RAB21: variants seen among roughly 807,000 people sequenced by gnomAD.
The protein encoded by RAB21 is RAB21, member RAS oncogene family.
In RAB21, 13 loss-of-function variants were observed where a neutral mutation model predicts 33.1. That is an observed-to-expected ratio of 0.39 (90% confidence interval 0.26 to 0.62). The LOEUF is 0.62. RAB21 is among the 20% of genes least tolerant of loss of function. The probability of loss-of-function intolerance (pLI) is 0.48; values close to 1 mark genes in which losing one functional copy is unlikely to be tolerated. For synonymous variants in RAB21, 91 were observed against 103.7 expected (o/e 0.88, Z 0.74); for missense variants, 234 against 279.1 (o/e 0.84, Z 1.15).
chr12:71,782,738 G>C, intron 6 of RAB21, 80 bp downstream of exon 6: 1 of 889,692 alleles, frequency 1.1e-6, no homozygotes, highest in Non-Finnish European at 1.7e-6. Context: ...TTTTACACCA[G>C]TGTTACTTTT....
rs1355936616 is a variant in RAB21, at chr12:71,800,097, T to A, written c.*14424T>A. The A allele has an allele frequency of 4.6e-5, 7 of 151,334 alleles. No individual in the cohort carries two copies. Among genetic ancestry groups the A allele is most frequent in the African/African-American group, 7.3e-5 (3 of 41,166 alleles). 9.4% of individuals were successfully genotyped at this position (151,334 alleles called of 1,614,324 possible). A position where few individuals can be genotyped will look rare whatever the true frequency, so the allele number is the denominator to read the frequency against. On this transcript the variant is annotated 3_prime_UTR_variant, in exon 7 of 7. Coordinates refer to ENST00000261263, the MANE Select transcript of RAB21 (RefSeq NM_014999.4). ...CAAAAAAAAAAAAAAAAAAATTAATTGCACATGAAGTATACAAGTTCGATC... is the reference window on the plus strand; with the variant it reads ...CAAAAAAAAAAAAAAAAAAATTAATAGCACATGAAGTATACAAGTTCGATC...
intron 1 of RAB21, among the ~76,000 whole-genome samples, chr12:71,762,209 T>C (rs1882882360): frequency 6.6e-6 from 1 of 152,232 alleles, no homozygotes; most frequent in Admixed American, 6.5e-5. Context: ...AAGTCTTTAT[T>C]TGGACTCCTA....
chr12:71,780,613 A>G (rs1004997610), intron 4 of RAB21, among the ~76,000 whole-genome samples: 6 of 152,194 alleles, frequency 3.9e-5, no homozygotes, highest in African/African-American at 1.4e-4. Context: ...ACTGAGCTTT[A>G]GTGTTGTCTG....
In RAB21 at chr12:71,778,178, C is replaced by G. The variant is rs17110265; in HGVS notation, c.392-3853C>G. 6.5e-3 allele frequency among the ~76,000 whole-genome samples: 995 copies of G among 152,250 alleles called. 15 individuals carry two copies. Among genetic ancestry groups the G allele is most frequent in the African/African-American group, 0.023 (960 of 41,538 alleles). On this transcript the variant is annotated intron_variant, in intron 4 of 6. Transcript: ENST00000261263. The stretch of plus-strand genomic sequence containing the variant: ...TATCTAAGTCCCTGATATCCATGTG[C>G]TAACCAGTAATAGAGAACCACATGT...
intron 1 of RAB21, among the ~76,000 whole-genome samples, chr12:71,758,995 A>G (rs956348764): frequency 6.6e-6 from 1 of 152,182 alleles, no homozygotes; most frequent in African/African-American, 2.4e-5. Flanking sequence ...CTCTTTGATA[A>G]ATATTGAATT....
In RAB21 at chr12:71,794,427, A is replaced by ATATATATATTTT. The variant is rs1883435502; in HGVS notation, c.*8755_*8756insATATATATTTTT. 1.1e-4 allele frequency: 3 copies of ATATATATATTTT among 27,968 alleles called. No homozygotes were observed. Among genetic ancestry groups the ATATATATATTTT allele is most frequent in the African/African-American group, 2.5e-4 (2 of 7,900 alleles). The allele number at this position is 27,968 out of a possible 1,614,324, so 1.7% of individuals were successfully genotyped here. On this transcript the variant is annotated 3_prime_UTR_variant, in exon 7 of 7. Coordinates refer to ENST00000261263, the MANE Select transcript of RAB21 (RefSeq NM_014999.4). Reference sequence around the variant, plus strand: ...ATATTATATATATATATATATATATATTTTTTTTTTTTTTTTTTTTTTTTT... The same window carrying ATATATATATTTT: ...ATATTATATATATATATATATATATATATATATATTTTTTTTTTTTTTTTTTTTTTTTTTTTT...
At chr12:71,768,612 C>G (rs1349767467) in intron 1 of RAB21, among the ~76,000 whole-genome samples, 1 of 152,042 alleles carries the variant, frequency 6.6e-6, no homozygotes, top group Non-Finnish European at 1.5e-5. Flanking sequence ...CTTTTCTAGT[C>G]CAACCTCCCT....
In RAB21 at chr12:71,793,880, T is replaced by C. The variant is rs1254939640; in HGVS notation, c.*8207T>C. ...GGTATGTTGCCTTGAGGCTGACATT[T>C]GCTGCTCTGCTAAGACTAAAGCTGG... On this transcript the variant is annotated 3_prime_UTR_variant, in exon 7 of 7. Coordinates refer to ENST00000261263, the MANE Select transcript of RAB21 (RefSeq NM_014999.4). 6.6e-6 allele frequency: 1 copy of C among 152,218 alleles called. No homozygotes were observed. The highest frequency in any genetic ancestry group is 1.5e-5 in the Non-Finnish European group (1 of 68,060). 9.4% of individuals were successfully genotyped at this position (152,218 alleles called of 1,614,324 possible). A position where few individuals can be genotyped will look rare whatever the true frequency, so the allele number is the denominator to read the frequency against.
chr12:71,797,058 G>A lies in RAB21; in HGVS notation c.*11385G>A, dbSNP rs1309001476. The A allele has an allele frequency of 6.6e-6, 1 of 152,064 alleles. No homozygotes were observed. Among genetic ancestry groups the A allele is most frequent in the Admixed American group, 6.5e-5 (1 of 15,274 alleles). 9.4% of individuals were successfully genotyped at this position (152,064 alleles called of 1,614,324 possible). ...CTTCGTGTTTCCATTTTCATAATGG[G>A]GGTTAGTCATAAACCATTCTATGTG... is the stretch of plus-strand genomic sequence containing the variant. On this transcript the variant is annotated 3_prime_UTR_variant, in exon 7 of 7. Transcript: ENST00000261263.
At chr12:71,756,971 A>G (rs1425284915) in intron 1 of RAB21, among the ~76,000 whole-genome samples, 2 of 152,204 alleles carry the variant, frequency 1.3e-5, no homozygotes, top group Non-Finnish European at 2.9e-5. Context: ...AGGAGTGTCC[A>G]AGCTCAAATT....
chr12:71,770,678 A>G lies in RAB21; in HGVS notation c.306A>G (p.Thr102=). 6.3e-7 allele frequency: 1 copy of G among 1,590,852 alleles called. No homozygotes were observed. Among genetic ancestry groups the G allele is most frequent in the South Asian group, 1.1e-5 (1 of 89,630 alleles). ...GAGCGATTTTAGTTTATGACATAAC[A>G]GATGAAGATTCTTTTCAGAAGGTAT... is the stretch of plus-strand genomic sequence containing the variant. The part of the protein sequence containing the change: ...SNGAILVYDI[T]DEDSFQKVKN... The change falls in exon 3 of 7, where the codon ACA becomes ACG. Residue 102 remains threonine, a synonymous_variant. Coordinates refer to ENST00000261263, the MANE Select transcript of RAB21 (RefSeq NM_014999.4).
At chr12:71,770,840 CATTTT>C in intron 3 of RAB21, 141 bp downstream of exon 3, 1 of 576,148 alleles carries the variant, frequency 1.7e-6, no homozygotes, top group African/African-American at 1.9e-5. Flanking sequence ...TGACCACTTA[CATTTT>C]ATTTTTCTTT....
Position 71,770,667 on chromosome 12 carries a change from T to C in RAB21, c.295T>C (p.Tyr99His), listed in dbSNP as rs780385941. ...YRDSNGAILVYDITDEDSFQK... is the reference protein window; with the variant it reads ...YRDSNGAILVHDITDEDSFQK... ...AGATTCAAATGGAGCGATTTTAGTT[T>C]ATGACATAACAGATGAAGATTCTTT... The change falls in exon 3 of 7, where the codon TAT (tyrosine) becomes CAT (histidine). Residue 99 changes from tyrosine (Y) to histidine (H), a missense_variant. Coordinates refer to ENST00000261263, the MANE Select transcript of RAB21 (RefSeq NM_014999.4). 2 of 1,602,464 alleles carry C rather than the reference T, an allele frequency of 1.2e-6. No homozygotes were observed. Among genetic ancestry groups the C allele is most frequent in the Non-Finnish European group, 1.7e-6 (2 of 1,170,360 alleles).
intron 3 of RAB21, among the ~76,000 whole-genome samples, chr12:71,773,008 G>T (rs936320380): frequency 6.6e-6 from 1 of 152,110 alleles, no homozygotes; most frequent in African/African-American, 2.4e-5. Context: ...TGTAATTTTT[G>T]GAATTTACAG....
In RAB21 at chr12:71,789,417, A is replaced by T. The variant is rs142535272; in HGVS notation, c.*3744A>T. 6.6e-6 allele frequency: 1 copy of T among 152,136 alleles called. No individual in the cohort carries two copies. The highest frequency in any genetic ancestry group is 6.5e-5 in the Admixed American group (1 of 15,278). 9.4% of individuals were successfully genotyped at this position (152,136 alleles called of 1,614,324 possible). On this transcript the variant is annotated 3_prime_UTR_variant, in exon 7 of 7. Transcript: ENST00000261263. Reference sequence around the variant, plus strand: ...TACTCTTATAATTACCCGTTACGTTATCTCTAAAAGTAGTTTGATCTGTGC... The same window carrying T: ...TACTCTTATAATTACCCGTTACGTTTTCTCTAAAAGTAGTTTGATCTGTGC...
In RAB21 at chr12:71,797,395, A is replaced by G. The variant is rs1203343893; in HGVS notation, c.*11722A>G. ...AAGAAAAGGCCCCATTTAAAGTAAG[A>G]CCAAAGGAGAGAAGATACCTAGGAA... is the stretch of plus-strand genomic sequence containing the variant. On this transcript the variant is annotated 3_prime_UTR_variant, in exon 7 of 7. Coordinates refer to ENST00000261263, the MANE Select transcript of RAB21 (RefSeq NM_014999.4). 6.6e-6 allele frequency: 1 copy of G among 152,096 alleles called. No homozygotes were observed. Among genetic ancestry groups the G allele is most frequent in the East Asian group, 1.9e-4 (1 of 5,192 alleles). The allele number at this position is 152,096 out of a possible 1,614,324, so 9.4% of individuals were successfully genotyped here. A position where few individuals can be genotyped will look rare whatever the true frequency, so the allele number is the denominator to read the frequency against.
chr12:71,787,796 C>G lies in RAB21; in HGVS notation c.*2123C>G, dbSNP rs1883317549. 6.6e-6 allele frequency: 1 copy of G among 152,006 alleles called. No individual in the cohort carries two copies. The highest frequency in any genetic ancestry group is 1.5e-5 in the Non-Finnish European group (1 of 68,034). The allele number at this position is 152,006 out of a possible 1,614,324, so 9.4% of individuals were successfully genotyped here. On this transcript the variant is annotated 3_prime_UTR_variant, in exon 7 of 7. Coordinates refer to ENST00000261263, the MANE Select transcript of RAB21 (RefSeq NM_014999.4). Reference sequence around the variant, plus strand: ...TGTCTTCTTTTATGGGGTAATTGTACTCTGTAGTCTCTTGGTTTCCTGTGA... The same window carrying G: ...TGTCTTCTTTTATGGGGTAATTGTAGTCTGTAGTCTCTTGGTTTCCTGTGA...
intron 4 of RAB21, among the ~76,000 whole-genome samples, chr12:71,777,510 A>G (rs2137653410): frequency 6.6e-6 from 1 of 152,104 alleles, no homozygotes. Flanking sequence ...TTCAGTGTTT[A>G]TTCTCTCTTC....
chr12:71,785,925 G>A lies in RAB21; in HGVS notation c.*252G>A, dbSNP rs1415440186. The A allele has an allele frequency of 8.5e-6, 3 of 351,288 alleles. No individual in the cohort carries two copies. The highest frequency in any genetic ancestry group is 2.4e-5 in the African/African-American group (1 of 42,534). The allele number at this position is 351,288 out of a possible 1,614,324, so 21.8% of individuals were successfully genotyped here. ...GTTTTTTTTTGTTTTTTTTTGAGAC[G>A]GAGTCTCGCTCTGTCACCCAGGCTG... On this transcript the variant is annotated 3_prime_UTR_variant, in exon 7 of 7. Coordinates refer to ENST00000261263, the MANE Select transcript of RAB21 (RefSeq NM_014999.4).
Sources: allele counts gnomAD v4.1 joint callset (sites outside exome capture counted in the v4.1 genomes callset), GRCh38; gene constraint gnomAD v4.1.1; transcripts MANE v1.5; gene names NCBI Gene and HGNC (gene_info 2026-07-23, HGNC 2026-07-21).